FHIP1A: variants seen among roughly 807,000 people sequenced by gnomAD.
FHIP1A encodes the protein FHF complex subunit HOOK-interacting protein 1A.
Under a neutral mutation model 88.6 loss-of-function variants are expected in FHIP1A, and 61 were observed. That is an observed-to-expected ratio of 0.69 (90% confidence interval 0.56 to 0.85). FHIP1A has a LOEUF of 0.85. Ranked by LOEUF, FHIP1A falls within the 40% of genes least tolerant of loss-of-function variation. The probability of loss-of-function intolerance (pLI) is 0.00; values close to 1 mark genes in which losing one functional copy is unlikely to be tolerated. For missense variants in FHIP1A, 1,154 were observed against 1,273.5 expected (o/e 0.91, Z 1.43); for synonymous variants, 478 against 496.0 (o/e 0.96, Z 0.48).
At chr4:151,430,821 C>T (rs969696996) in intron 1 of FHIP1A, among the ~76,000 whole-genome samples, 2 of 152,164 alleles carry the variant, frequency 1.3e-5, no homozygotes, top group East Asian at 1.9e-4. Flanking sequence ...GTATAGTAGA[C>T]GGCTCTGTAA....
At position 151,631,664 on chromosome 4, in the gene FHIP1A, C is replaced by G. The variant is rs1269082544; in HGVS notation, c.1146+1795C>G. 6.6e-5 allele frequency among the ~76,000 whole-genome samples: 10 copies of G among 152,184 alleles called. No individual in the cohort carries two copies. In the East Asian group the frequency reaches 1.7e-3, roughly 26 times the overall value. On this transcript the variant is annotated intron_variant, in intron 8 of 13. Coordinates refer to ENST00000435205, the MANE Select transcript of FHIP1A (RefSeq NM_001109977.3). ...GAACTTCAGAAACTTTGTAAGAACA[C>G]CAGTTAAGAGGTTGTAGCACAAAGC... is the stretch of plus-strand genomic sequence containing the variant.
At chr4:151,511,551 C>T (rs1046784747) in intron 3 of FHIP1A, among the ~76,000 whole-genome samples, 3 of 152,332 alleles carry the variant, frequency 2.0e-5, no homozygotes, top group African/African-American at 7.2e-5. Context: ...GGGTGACAGA[C>T]GGCACCTGGA....
At chr4:151,604,576 T>G (rs1050902382) in intron 7 of FHIP1A, among the ~76,000 whole-genome samples, 6 of 152,156 alleles carry the variant, frequency 3.9e-5, no homozygotes, top group Non-Finnish European at 8.8e-5. Flanking sequence ...GGGCCGGGCA[T>G]GGTGGCTCAC....
rs550377592 is a variant in FHIP1A at position 151,613,936 on chromosome 4, G to A, written c.979-15766G>A. ...CCAGCACTTTGGGAGGCTGAGGTGG[G>A]TGGATCACCTGAGGTCAGGAGTTTG... On this transcript the variant is annotated intron_variant, in intron 7 of 13. Transcript: ENST00000435205. 8.5e-5 allele frequency among the ~76,000 whole-genome samples: 13 copies of A among 152,310 alleles called. No homozygotes were observed. In the South Asian group the frequency reaches 2.7e-3, roughly 32 times the overall value.
intron 1 of FHIP1A, among the ~76,000 whole-genome samples, chr4:151,412,606 T>TCCTTCCTTCCTTCCTG (rs1732700246): frequency 7.2e-6 from 1 of 138,588 alleles, no homozygotes; most frequent in African/African-American, 2.8e-5. Flanking sequence ...CTTCCTTCCT[T>TCCTTCCTTCCTTCCTG]CCTTCCTCCC....
At chr4:151,547,378 G>A (rs1732545787) in intron 3 of FHIP1A, among the ~76,000 whole-genome samples, 1 of 152,292 alleles carries the variant, frequency 6.6e-6, no homozygotes, top group African/African-American at 2.4e-5. Context: ...AGATCATCTA[G>A]TCTAATGTTC....
At chr4:151,511,078 C>T (rs1731010506) in intron 3 of FHIP1A, among the ~76,000 whole-genome samples, 1 of 152,160 alleles carries the variant, frequency 6.6e-6, no homozygotes, top group Admixed American at 6.5e-5. Context: ...GAAGGAGACC[C>T]TGAATTCCAG....
intron 11 of FHIP1A, among the ~76,000 whole-genome samples, chr4:151,652,034 C>T (rs1737050274): frequency 6.6e-6 from 1 of 152,164 alleles, no homozygotes; most frequent in Admixed American, 6.5e-5. Flanking sequence ...CATGTCACAG[C>T]TTGCCTTCTC....
chr4:151,431,190 C>T (rs1733577588), intron 1 of FHIP1A, among the ~76,000 whole-genome samples: 2 of 152,212 alleles, frequency 1.3e-5, no homozygotes, highest in South Asian at 4.2e-4. Context: ...GTGCAGGAGA[C>T]TCACTATGTT....
chr4:151,578,173 A>ACAACTTACTGGG, intron 5 of FHIP1A, 97 bp downstream of exon 5: 3 of 1,159,908 alleles, frequency 2.6e-6, no homozygotes, highest in Non-Finnish European at 3.6e-6. Flanking sequence ...TTCTCCCAGT[A>ACAACTTACTGGG]AGTTGTACTT....
intron 2 of FHIP1A, among the ~76,000 whole-genome samples, chr4:151,467,747 C>T (rs143934720): frequency 0.055 from 8,423 of 152,136 alleles, 321 homozygotes; most frequent in Middle Eastern, 0.12. Context: ...TCAAACACCA[C>T]GTGTTCTCAA....
intron 3 of FHIP1A, among the ~76,000 whole-genome samples, chr4:151,524,174 C>T (rs1405418258): frequency 1.1e-4 from 16 of 152,126 alleles, no homozygotes; most frequent in South Asian, 6.2e-4. Flanking sequence ...TGGTGGCACG[C>T]GCCTGTAATC....
intron 3 of FHIP1A, among the ~76,000 whole-genome samples, chr4:151,540,189 T>G (rs537046783): frequency 2.3e-4 from 35 of 152,348 alleles, no homozygotes; most frequent in African/African-American, 6.5e-4. Flanking sequence ...AAAATGATTA[T>G]GTACCTTAAA....
intron 2 of FHIP1A, among the ~76,000 whole-genome samples, chr4:151,455,631 TTCCTTCA>T (rs1490525172): frequency 6.6e-6 from 1 of 152,212 alleles, no homozygotes; most frequent in African/African-American, 2.4e-5. Flanking sequence ...ATGCCACTTC[TTCCTTCA>T]GTGCTGTGGG....
At chr4:151,526,234 G>A (rs865812403) in intron 3 of FHIP1A, among the ~76,000 whole-genome samples, 8 of 151,776 alleles carry the variant, frequency 5.3e-5, no homozygotes, top group Admixed American at 1.3e-4. Context: ...CCACAAAACC[G>A]CCATTGTCAT....
chr4:151,519,077 T>C (rs1314874538), intron 3 of FHIP1A, among the ~76,000 whole-genome samples: 1 of 152,216 alleles, frequency 6.6e-6, no homozygotes, highest in Admixed American at 6.5e-5. Flanking sequence ...AGTTTTTCTT[T>C]TGATACAAAA....
intron 7 of FHIP1A, among the ~76,000 whole-genome samples, chr4:151,625,593 G>A (rs941514005): frequency 2.0e-5 from 3 of 152,166 alleles, no homozygotes; most frequent in Non-Finnish European, 4.4e-5. Flanking sequence ...ATAAGTTAAT[G>A]TGCTTCTGCA....
Position 151,663,999 on chromosome 4 carries a change from C to T in FHIP1A, c.*1245C>T, listed in dbSNP as rs17360378. ...TACTTAGAGCCACAGCCATGTTAAA[C>T]CACCACCAAGAGGGGAAAACAGAAT... On this transcript the variant is annotated 3_prime_UTR_variant, in exon 14 of 14. Transcript: ENST00000435205. 0.064 allele frequency among the ~76,000 whole-genome samples: 9,741 copies of T among 152,272 alleles called. 453 individuals are homozygous for T. Among genetic ancestry groups the T allele is most frequent in the Non-Finnish European group, 0.1 (6,792 of 68,012 alleles).
intron 9 of FHIP1A, among the ~76,000 whole-genome samples, chr4:151,643,838 G>T (rs763821814): frequency 9.2e-5 from 14 of 152,100 alleles, no homozygotes; most frequent in Non-Finnish European, 1.8e-4. Flanking sequence ...CCCTTGATTT[G>T]ATTTATTCAG....
Sources: gnomAD v4.1 joint callset for allele counts (sites outside exome capture counted in the v4.1 genomes callset) on GRCh38, gnomAD v4.1.1 for gene constraint, MANE v1.5 for transcripts, NCBI Gene and HGNC (gene_info 2026-07-23, HGNC 2026-07-21) for gene names.